SHANK1: variants seen among roughly 807,000 people sequenced by gnomAD.
SHANK1 encodes the protein SH3 and multiple ankyrin repeat domains protein 1.
Under a neutral mutation model 165.6 loss-of-function variants are expected in SHANK1, and 35 were observed. The ratio of observed to expected loss-of-function variants is 0.21; its 90% CI spans 0.16 to 0.28. SHANK1 has a LOEUF of 0.28. Ranked by LOEUF, SHANK1 falls within the 10% of genes least tolerant of loss-of-function variation. The pLI is 1.00. For missense variants in SHANK1, 2,681 were observed against 3,036.4 expected, an observed-to-expected ratio of 0.88 and a Z score of 2.75; for synonymous variants, 1,428 against 1,384.8, an observed-to-expected ratio of 1.03 and a Z score of -0.69.
intron 21 of SHANK1, among the ~76,000 whole-genome samples, chr19:50,672,886 A>G (rs1446216697): frequency 2.0e-5 from 3 of 152,158 alleles, no homozygotes; most frequent in Non-Finnish European, 4.4e-5. Context: ...GGAGGAGATC[A>G]GAGGGGACCA....
intron 21 of SHANK1, among the ~76,000 whole-genome samples, chr19:50,677,279 C>T (rs1986012937): frequency 6.6e-6 from 1 of 152,020 alleles, no homozygotes; most frequent in Non-Finnish European, 1.5e-5. Flanking sequence ...AGGTTCCCAC[C>T]ACCACACCCA....
chr19:50,659,660 T>C lies in SHANK1; in HGVS notation c.*2305A>G, dbSNP rs185912997. Among the ~76,000 whole-genome samples, 705 of 150,464 alleles carry C rather than the reference T, an allele frequency of 4.7e-3. 2 individuals are homozygous for C. The highest frequency in any genetic ancestry group is 0.01 in the Middle Eastern group (3 of 294). On this transcript the variant is annotated 3_prime_UTR_variant, in exon 24 of 24. Transcript: ENST00000293441. ...AGGGGTTTTGTGTTTTTTTTTTCTG[T>C]TTTTTATATTTTCTTCTTTTGTTAT...
Position 50,661,920 on chromosome 19 carries a change from G to A in SHANK1, c.*45C>T. ...GGGGTCAGAGGTCAAGAGGCCAGCA[G>A]GCTCAAGAGTTCTGTGGACGGGGCT... is the stretch of plus-strand genomic sequence containing the variant. On this transcript the variant is annotated 3_prime_UTR_variant, in exon 24 of 24. Coordinates refer to ENST00000293441, the MANE Select transcript of SHANK1 (RefSeq NM_016148.5). 6.2e-7 allele frequency: 1 copy of A among 1,607,352 alleles called. No homozygotes were observed. The highest frequency in any genetic ancestry group is 8.5e-7 in the Non-Finnish European group (1 of 1,175,154).
rs772036089 is a variant in SHANK1 at position 50,715,716 on chromosome 19, G to C, written c.474C>G (p.Thr158=). 7 of 1,613,962 alleles carry C rather than the reference G, an allele frequency of 4.3e-6. No individual in the cohort carries two copies. Among genetic ancestry groups the C allele is most frequent in the Non-Finnish European group, 8.5e-7 (1 of 1,179,992 alleles). The change falls in exon 4 of 24, where the codon ACC becomes ACG. Residue 158 remains threonine, a synonymous_variant. Coordinates refer to ENST00000293441, the MANE Select transcript of SHANK1 (RefSeq NM_016148.5). ...CCAGGTTGGTCTGTTTGTAAACTCGGGTCTTGTATCGGAACTGAGGTCAAG... is the reference window on the plus strand; with the variant it reads ...CCAGGTTGGTCTGTTTGTAAACTCGCGTCTTGTATCGGAACTGAGGTCAAG... The part of the protein sequence containing the change: ...GVPYLEFRYK[T]RVYKQTNLDE...
chr19:50,713,824 A>G lies in SHANK1; in HGVS notation c.766T>C (p.Cys256Arg), dbSNP rs370650361. ...DGMTALHKAA[C>R]ARHCLALTAL... ...GTGAGTGCCAGGCAGTGTCGGGCGC[A>G]TGCGGCCTTATGCAGTGCGGTCATG... Residue 256 changes from cysteine (C) to arginine (R), a missense_variant, in exon 6 of 24, where the codon TGC (cysteine) becomes CGC (arginine). This residue lies in a region of SHANK1 where 189 missense variants were observed against 440.9 expected (regional missense o/e 0.43). Coordinates refer to ENST00000293441, the MANE Select transcript of SHANK1 (RefSeq NM_016148.5). This position sits in a 1 kb window ranked among gnomAD's most constrained non-coding sequence, Gnocchi z 6.2. 3 of 1,613,560 alleles carry G rather than the reference A, an allele frequency of 1.9e-6. No homozygotes were observed. The highest frequency in any genetic ancestry group is 2.5e-6 in the Non-Finnish European group (3 of 1,179,980).
intron 21 of SHANK1, among the ~76,000 whole-genome samples, chr19:50,673,814 C>CT (rs35868452): frequency 0.35 from 51,192 of 144,440 alleles, 10,270 homozygotes; most frequent in Admixed American, 0.49. Context: ...AAAATTTAAA[C>CT]TTTTTTTTTT....
chr19:50,713,942 G>C lies in SHANK1; in HGVS notation c.648C>G (p.Pro216=). Residue 216 remains proline (P), a synonymous_variant, in exon 6 of 24, where the codon CCC becomes CCG. Transcript: ENST00000293441. This position sits in a 1 kb window ranked among gnomAD's most constrained non-coding sequence, Gnocchi z 6.2. ...CTTCGGTCTGGGCCGCCAGTGTCAA[G>C]GGGGTCTCTGAAGGGCGGGAAAAGC... ...NYHDSDSGET[P]LTLAAQTEGS... is the part of the protein sequence containing the mutation. The C allele has an allele frequency of 6.2e-7, 1 of 1,613,810 alleles. No individual in the cohort carries two copies. The highest frequency in any genetic ancestry group is 1.1e-5 in the South Asian group (1 of 91,080).
At position 50,713,887 on chromosome 19, in the gene SHANK1, G is replaced by A. The variant is rs2089037959; in HGVS notation, c.703C>T (p.Leu235=). Residue 235 remains leucine, a synonymous_variant, in exon 6 of 24, where the codon CTG becomes TTG. Coordinates refer to ENST00000293441, the MANE Select transcript of SHANK1 (RefSeq NM_016148.5). The surrounding 1 kb of genome is among the most constrained non-coding windows in gnomAD (Gnocchi z 6.2). ...GSVEVIRTLC[L]GGAHIDFRAR... is the part of the protein sequence containing the mutation. ...CGGAAGTCAATGTGGGCCCCGCCCA[G>A]GCACAGGGTTCGAATCACCTCTACA... is the stretch of plus-strand genomic sequence containing the variant. 2.5e-6 allele frequency: 4 copies of A among 1,613,960 alleles called. No homozygotes were observed. The Admixed American group carries it at 6.7e-5, about 27-fold the overall frequency.
intron 8 of SHANK1, among the ~76,000 whole-genome samples, chr19:50,710,044 G>T (rs2088989829): frequency 6.6e-6 from 1 of 152,182 alleles, no homozygotes; most frequent in Admixed American, 6.5e-5. Flanking sequence ...ATTTCAGGAA[G>T]AAGGATGGAG....
In SHANK1 at chr19:50,697,816, T is replaced by G. The variant is rs1986789619; in HGVS notation, c.1861+27A>C. On this transcript the variant is annotated intron_variant, in intron 13 of 23. Transcript: ENST00000293441. This position sits in a 1 kb window ranked among gnomAD's most constrained non-coding sequence, Gnocchi z 4.7. ...TGGACGTGGGAATCCTAGGGTCCATTGAACACTGCTGGGGGTTCCGCATTA... is the reference window on the plus strand; with the variant it reads ...TGGACGTGGGAATCCTAGGGTCCATGGAACACTGCTGGGGGTTCCGCATTA... 1 of 1,588,958 alleles carries G rather than the reference T, an allele frequency of 6.3e-7. No individual in the cohort carries two copies.
At chr19:50,674,091 G>T (rs922334628) in intron 21 of SHANK1, among the ~76,000 whole-genome samples, 2 of 127,860 alleles carry the variant, frequency 1.6e-5, no homozygotes, top group African/African-American at 5.9e-5. Flanking sequence ...CACCGTGTTG[G>T]CCTATTTTTT....
At chr19:50,694,260 C>T (rs1264000363) in intron 15 of SHANK1, among the ~76,000 whole-genome samples, 1 of 151,838 alleles carries the variant, frequency 6.6e-6, no homozygotes, top group Non-Finnish European at 1.5e-5. Flanking sequence ...CACACTGACA[C>T]ACGCACCGTC....
rs1037221813 is a variant in SHANK1 at position 50,702,325 on chromosome 19, AG to A, written c.1747+141del. The A allele has an allele frequency of 5.8e-6, 4 of 688,508 alleles. No homozygotes were observed. The highest frequency in any genetic ancestry group is 5.4e-5 in the African/African-American group (3 of 55,342). 42.6% of individuals were successfully genotyped at this position (688,508 alleles called of 1,614,324 possible). The stretch of plus-strand genomic sequence containing the variant: ...ACACTCTATGGTCCTCCAAGCCTCA[AG>A]GGGTGTCCTGGGGCTCTCTGAGGTC... On this transcript the variant is annotated intron_variant, in intron 12 of 23. Transcript: ENST00000293441. The surrounding 1 kb of genome is among the most constrained non-coding windows in gnomAD (Gnocchi z 5.3).
intron 3 of SHANK1, 52 bp from the exon 4 acceptor site, chr19:50,715,782 G>T: frequency 1.3e-6 from 2 of 1,545,632 alleles, no homozygotes; most frequent in Non-Finnish European, 1.8e-6. Flanking sequence ...GGAATCAGGG[G>T]CCTGGGGAGA....
rs1008059576 is a variant in SHANK1 at position 50,661,632 on chromosome 19, AG to A, written c.*332del. Among the ~76,000 whole-genome samples, 1 of 152,040 alleles carries A rather than the reference AG, an allele frequency of 6.6e-6. No individual in the cohort carries two copies. Among genetic ancestry groups the A allele is most frequent in the Admixed American group, 6.5e-5 (1 of 15,272 alleles). ...GGACAGTCCCCATCCAATCGGGCTC[AG>A]GGCTGACCCTCTATGGCTCTGTCTA... On this transcript the variant is annotated 3_prime_UTR_variant, in exon 24 of 24. Coordinates refer to ENST00000293441, the MANE Select transcript of SHANK1 (RefSeq NM_016148.5).
In SHANK1 at chr19:50,668,022, T is replaced by C; in HGVS notation, c.3938A>G (p.Tyr1313Cys). 1.4e-6 allele frequency: 2 copies of C among 1,475,300 alleles called. No individual in the cohort carries two copies. Among genetic ancestry groups the C allele is most frequent in the Non-Finnish European group, 1.8e-6 (2 of 1,118,858 alleles). The allele number at this position is 1,475,300 out of a possible 1,614,324, so 91.4% of individuals were successfully genotyped here. A position where few individuals can be genotyped will look rare whatever the true frequency, so the allele number is the denominator to read the frequency against. The change falls in exon 23 of 24, where the codon TAC (tyrosine) becomes TGC (cysteine). Residue 1313 changes from tyrosine to cysteine, a missense_variant. Around this residue, in one of 10 missense-constraint regions of SHANK1, gnomAD observed 1,713 missense variants for 1,630.2 expected, o/e 1.05. Transcript: ENST00000293441. ...SAGSGAGYGG[Y>C]GAGSRAYGGG... ...CCCGTAGGCTCGGCTACCGGCCCCGTAGCCGCCGTAGCCCGCGCCGCTGCC... is the reference window on the plus strand; with the variant it reads ...CCCGTAGGCTCGGCTACCGGCCCCGCAGCCGCCGTAGCCCGCGCCGCTGCC...
Position 50,688,614 on chromosome 19 carries a change from CG to C in SHANK1, c.2172+229del, listed in dbSNP as rs759436408. 6.6e-6 allele frequency among the ~76,000 whole-genome samples: 1 copy of C among 152,172 alleles called. No individual in the cohort carries two copies. Among genetic ancestry groups the C allele is most frequent in the Non-Finnish European group, 1.5e-5 (1 of 68,034 alleles). ...TGAGCCGCTGTGCCTGGCCATCCCC[CG>C]GTATTGTGTATGTGTTGGGGACAGC... On this transcript the variant is annotated intron_variant, in intron 17 of 23. Coordinates refer to ENST00000293441, the MANE Select transcript of SHANK1 (RefSeq NM_016148.5). This position sits in a 1 kb window ranked among gnomAD's most constrained non-coding sequence, Gnocchi z 6.7.
At position 50,686,942 on chromosome 19, in the gene SHANK1, C is replaced by A; in HGVS notation, c.2390-130G>T. The A allele has an allele frequency of 8.4e-7, 1 of 1,194,080 alleles. No homozygotes were observed. Among genetic ancestry groups the A allele is most frequent in the Non-Finnish European group, 1.1e-6 (1 of 904,192 alleles). 74.0% of individuals were successfully genotyped at this position (1,194,080 alleles called of 1,614,324 possible). On this transcript the variant is annotated intron_variant, in intron 19 of 23. Transcript: ENST00000293441. The surrounding 1 kb of genome is among the most constrained non-coding windows in gnomAD (Gnocchi z 5.7). ...GGGCGCGAGAGGGGCAGTGAGGGGC[C>A]GGGGTCAGGGAGGGGCGAGTCCGCC...
At position 50,704,134 on chromosome 19, in the gene SHANK1, C is replaced by G. The variant is rs771565809; in HGVS notation, c.1208G>C (p.Arg403Pro). 1 of 1,613,784 alleles carries G rather than the reference C, an allele frequency of 6.2e-7. No individual in the cohort carries two copies. ...CTGTCACTCACCCACATCCTGTTCT[C>G]GGTGGTTTCGGATCAGCTCCCCCAG... is the stretch of plus-strand genomic sequence containing the variant. ...FELGELIRNH[R>P]EQDVVPFQES... is the part of the protein sequence containing the mutation. The change falls in exon 10 of 24, where the codon CGA becomes CCA. Residue 403 changes from arginine (R) to proline (P), a missense_variant. Physicochemically the swap from Arg to Pro is moderately radical, Grantham distance 103 (BLOSUM62 -2). Transcript: ENST00000293441.
Sources: allele counts gnomAD v4.1 joint callset (sites outside exome capture counted in the v4.1 genomes callset), GRCh38; gene constraint gnomAD v4.1.1; regional missense constraint gnomAD v4.1.1; non-coding constraint Gnocchi (gnomAD v3.1); transcripts MANE v1.5; gene names NCBI Gene and HGNC (gene_info 2026-07-23, HGNC 2026-07-21).